Variants in ABHD4 observed in about 807,000 individuals in gnomAD.
ABHD4 encodes the protein abhydrolase domain containing 4, N-acyl phospholipase B.
A neutral mutation model predicts 42.3 loss-of-function variants in ABHD4; 35 were observed. The observed-to-expected ratio is 0.83, with a 90% CI of 0.63 to 1.10. The LOEUF is 1.10. ABHD4 is among the 50% of genes least tolerant of loss of function. The pLI is 0.00. For synonymous variants in ABHD4, 169 were observed against 170.6 expected, an observed-to-expected ratio of 0.99 and a Z score of 0.07; for missense variants, 389 against 454.8, an observed-to-expected ratio of 0.86 and a Z score of 1.32.
At position 22,612,866 on chromosome 14, in the gene ABHD4, T is replaced by G. The variant is rs1010098527; in HGVS notation, c.*1918T>G. On this transcript the variant is annotated 3_prime_UTR_variant, in exon 7 of 7. Transcript: ENST00000428304. The stretch of plus-strand genomic sequence containing the variant: ...ACTTATAAACTTGTGGTTACTTGTT[T>G]AGCGTCTCTTTCCTCCCCAGACCAT... The G allele has an allele frequency of 1.3e-5, 2 of 152,242 alleles. No homozygotes were observed. Among genetic ancestry groups the G allele is most frequent in the African/African-American group, 4.8e-5 (2 of 41,454 alleles). The allele number at this position is 152,242 out of a possible 1,614,324, so 9.4% of individuals were successfully genotyped here. A position where few individuals can be genotyped will look rare whatever the true frequency, so the allele number is the denominator to read the frequency against.
intron 5 of ABHD4, among the ~76,000 whole-genome samples, chr14:22,608,023 G>T (rs2037368351): frequency 6.6e-6 from 1 of 152,082 alleles, no homozygotes; most frequent in Non-Finnish European, 1.5e-5. Context: ...TAGGGGCTTT[G>T]TATATATTTT....
At chr14:22,604,313 C>G (rs989253235) in intron 4 of ABHD4, 4 of 411,530 alleles carry the variant, frequency 9.7e-6, no homozygotes, top group Admixed American at 3.7e-5. Flanking sequence ...TGCAGTGGTG[C>G]GATCTCGGCT....
At chr14:22,600,224 G>A (rs1193703916) in intron 1 of ABHD4, 13 of 455,452 alleles carry the variant, frequency 2.9e-5, no homozygotes, top group South Asian at 1.2e-4. Context: ...TGGAACTCTG[G>A]CCTTCAGAGT....
intron 5 of ABHD4, among the ~76,000 whole-genome samples, chr14:22,609,245 G>A (rs1056019052): frequency 1.1e-4 from 16 of 152,140 alleles, no homozygotes; most frequent in Non-Finnish European, 2.2e-4. Flanking sequence ...TGATCCGCCC[G>A]CCTCGGCCTC....
chr14:22,605,830 G>A (rs1444001189), intron 4 of ABHD4: 12 of 1,289,040 alleles, frequency 9.3e-6, no homozygotes, highest in Non-Finnish European at 1.2e-5. Context: ...ATCAGAAGTT[G>A]ACCAGTAGAC....
At chr14:22,599,006 G>A (rs1347092629) in intron 1 of ABHD4, 2 of 152,650 alleles carry the variant, frequency 1.3e-5, no homozygotes, top group African/African-American at 4.8e-5. Flanking sequence ...GGTGTGACTA[G>A]CAGTTCGCAA....
intron 2 of ABHD4, 115 bp from the exon 3 acceptor site, chr14:22,603,275 G>T: frequency 2.3e-6 from 3 of 1,327,830 alleles, no homozygotes; most frequent in South Asian, 2.7e-5. Context: ...AAGGAGCTGA[G>T]GGAAGTTGGG....
chr14:22,601,899 G>A lies in ABHD4; in HGVS notation c.112+144G>A, dbSNP rs975550371. 3.4e-5 allele frequency: 24 copies of A among 699,338 alleles called. No individual in the cohort carries two copies. The African/African-American group carries it at 3.9e-4, about 11-fold the overall frequency. 43.3% of individuals were successfully genotyped at this position (699,338 alleles called of 1,614,324 possible). A position where few individuals can be genotyped will look rare whatever the true frequency, so the allele number is the denominator to read the frequency against. On this transcript the variant is annotated intron_variant, in intron 2 of 6. Coordinates refer to ENST00000428304, the MANE Select transcript of ABHD4 (RefSeq NM_022060.3). Reference sequence around the variant, plus strand: ...GGAGGAAAGGATGTCAGTTGTGTGAGGGAAGAGGTGCATACAGACGGCACC... The same window carrying A: ...GGAGGAAAGGATGTCAGTTGTGTGAAGGAAGAGGTGCATACAGACGGCACC...
Position 22,611,168 on chromosome 14 carries a change from G to T in ABHD4, c.*220G>T. 1.8e-6 allele frequency: 1 copy of T among 553,458 alleles called. No individual in the cohort carries two copies. The highest frequency in any genetic ancestry group is 2.1e-5 in the South Asian group (1 of 47,272). 34.3% of individuals were successfully genotyped at this position (553,458 alleles called of 1,614,324 possible). A position where few individuals can be genotyped will look rare whatever the true frequency, so the allele number is the denominator to read the frequency against. On this transcript the variant is annotated 3_prime_UTR_variant, in exon 7 of 7. Transcript: ENST00000428304. ...AGAGGCCTTGAGTGCCACCCCCAGG[G>T]AAGAACATAAAGGGTTGCACAATGC...
At chr14:22,605,952 C>T in intron 4 of ABHD4, 1 of 704,706 alleles carries the variant, frequency 1.4e-6, no homozygotes, top group South Asian at 1.5e-5. Flanking sequence ...TAGTTCACCT[C>T]TCCACATATT....
At chr14:22,601,618 A>G (rs140806783) in intron 1 of ABHD4, 49 bp from the exon 2 acceptor site, 481 of 1,529,968 alleles carry the variant, frequency 3.1e-4, no homozygotes, top group African/African-American at 2.4e-3. Context: ...AAGAGCATCA[A>G]TGTTTCTTTC....
chr14:22,603,895 T>C, intron 3 of ABHD4, 30 bp from the exon 4 acceptor site: 1 of 1,610,752 alleles, frequency 6.2e-7, no homozygotes, highest in Non-Finnish European at 8.5e-7. Flanking sequence ...GAATATAATG[T>C]GTCTTCTCCT....
chr14:22,608,385 G>A (rs961319548), intron 5 of ABHD4, among the ~76,000 whole-genome samples: 5 of 152,356 alleles, frequency 3.3e-5, no homozygotes, highest in Non-Finnish European at 5.9e-5. Flanking sequence ...CCCCAGCCTT[G>A]TGGACACCTC....
chr14:22,604,537 G>T (rs1038094262), intron 4 of ABHD4, among the ~76,000 whole-genome samples: 4 of 147,604 alleles, frequency 2.7e-5, no homozygotes, highest in African/African-American at 5.1e-5. Context: ...GTGAGCCACC[G>T]CGCCTGGCCT....
At chr14:22,609,570 T>G in intron 5 of ABHD4, 154 bp from the exon 6 acceptor site, 5 of 749,904 alleles carry the variant, frequency 6.7e-6, no homozygotes, top group Non-Finnish European at 1.0e-5. Flanking sequence ...CCTCTGGAAT[T>G]TTGGTCTTCC....
chr14:22,599,324 T>A (rs2037254855), intron 1 of ABHD4, among the ~76,000 whole-genome samples: 1 of 152,164 alleles, frequency 6.6e-6, no homozygotes, highest in Admixed American at 6.5e-5. Context: ...AGCTCCTTTT[T>A]AAAAATGAAG....
intron 2 of ABHD4, among the ~76,000 whole-genome samples, chr14:22,602,042 A>G (rs2037291625): frequency 6.6e-6 from 1 of 151,060 alleles, no homozygotes; most frequent in African/African-American, 2.4e-5. Context: ...AAACACGTAC[A>G]TTCTCCCCTT....
rs774150396 is a variant in ABHD4, at chr14:22,606,398, C to T, written c.641-24C>T. On this transcript the variant is annotated intron_variant, in intron 4 of 6. Transcript: ENST00000428304. ...TGCCCCACCTCCCAAATTGGCCTGT[C>T]TGTGTTTTTCTATCCCCTCCCAGGG... The T allele has an allele frequency of 3.2e-6, 5 of 1,580,826 alleles. No individual in the cohort carries two copies. In the Admixed American group the frequency reaches 7.0e-5, roughly 22 times the overall value.
intron 3 of ABHD4, 27 bp downstream of exon 3, chr14:22,603,789 G>A (rs759778239): frequency 1.4e-5 from 22 of 1,564,344 alleles, no homozygotes; most frequent in African/African-American, 2.7e-5. Context: ...TCCATCCCTC[G>A]TGACCTAATT....
Sources: allele counts gnomAD v4.1 joint callset (sites outside exome capture counted in the v4.1 genomes callset), GRCh38; gene constraint gnomAD v4.1.1; transcripts MANE v1.5; gene names NCBI Gene and HGNC (gene_info 2026-07-23, HGNC 2026-07-21).